The following DGKI variants were observed in gnomAD, a reference collection of about 807,000 sequenced individuals.
DGKI encodes the protein DAG kinase iota.
A neutral mutation model predicts 147.5 loss-of-function variants in DGKI; 55 were observed. The observed-to-expected ratio is 0.37, with a 90% confidence interval of 0.30 to 0.47. The LOEUF (loss-of-function observed/expected upper bound fraction) is 0.47. DGKI is among the 20% of genes least tolerant of loss of function. The pLI, the probability that DGKI is intolerant of heterozygous loss-of-function variation, is 1.00. For missense variants in DGKI, 1,007 were observed against 1,323.8 expected (o/e 0.76, Z 3.71); for synonymous variants, 469 against 477.1 (o/e 0.98, Z 0.22).
intron 20 of DGKI, among the ~76,000 whole-genome samples, chr7:137,530,327 T>C (rs1219546266): frequency 6.6e-6 from 1 of 152,100 alleles, no homozygotes; most frequent in Non-Finnish European, 1.5e-5. Context: ...AGCTCCTTCT[T>C]TCTCTCTGCT....
chr7:137,523,191 C>T (rs1817023884), intron 20 of DGKI, among the ~76,000 whole-genome samples: 1 of 151,860 alleles, frequency 6.6e-6, no homozygotes, highest in Non-Finnish European at 1.5e-5. Context: ...TAGGACACCC[C>T]TCTCTACCTT....
chr7:137,519,587 A>G (rs954116231), intron 21 of DGKI, among the ~76,000 whole-genome samples: 2 of 152,022 alleles, frequency 1.3e-5, no homozygotes, highest in African/African-American at 4.8e-5. Flanking sequence ...ATTTCACTTA[A>G]TTAATGCTTC....
At chr7:137,648,664 C>A (rs1821917063) in intron 5 of DGKI, among the ~76,000 whole-genome samples, 1 of 152,178 alleles carries the variant, frequency 6.6e-6, no homozygotes, top group Non-Finnish European at 1.5e-5. Flanking sequence ...CTCAGAACAG[C>A]ATGCAATTTA....
intron 19 of DGKI, among the ~76,000 whole-genome samples, chr7:137,559,770 T>C (rs1818355198): frequency 6.6e-6 from 1 of 152,130 alleles, no homozygotes; most frequent in Admixed American, 6.5e-5. Context: ...TAGTGAGATT[T>C]AGACTCGTAT....
intron 20 of DGKI, among the ~76,000 whole-genome samples, chr7:137,542,736 G>C (rs1817743963): frequency 6.6e-6 from 1 of 152,090 alleles, no homozygotes; most frequent in African/African-American, 2.4e-5. Context: ...CACCAGAAAA[G>C]TCCGTTTTAC....
At chr7:137,516,427 G>A (rs1419283939) in intron 21 of DGKI, among the ~76,000 whole-genome samples, 1 of 151,948 alleles carries the variant, frequency 6.6e-6, no homozygotes, top group Non-Finnish European at 1.5e-5. Flanking sequence ...CTTAATTAGT[G>A]GTTAGACTGG....
At chr7:137,559,946 A>G (rs1216487655) in intron 19 of DGKI, among the ~76,000 whole-genome samples, 6 of 152,232 alleles carry the variant, frequency 3.9e-5, no homozygotes, top group African/African-American at 1.4e-4. Flanking sequence ...AACAAAAGAA[A>G]TATACCCTAT....
At chr7:137,491,435 T>C (rs747417162) in intron 21 of DGKI, among the ~76,000 whole-genome samples, 19 of 152,268 alleles carry the variant, frequency 1.2e-4, no homozygotes, top group Non-Finnish European at 2.6e-4. Context: ...TGAGGAAATA[T>C]ATTAACATGA....
intron 1 of DGKI, among the ~76,000 whole-genome samples, chr7:137,748,902 G>C (rs1413850718): frequency 6.6e-6 from 1 of 152,070 alleles, no homozygotes; most frequent in Admixed American, 6.5e-5. Flanking sequence ...CAAGTTACTG[G>C]TTTCTTTCAA....
chr7:137,513,751 T>C (rs1055239829), intron 21 of DGKI: 6 of 492,302 alleles, frequency 1.2e-5, no homozygotes, highest in African/African-American at 9.8e-5. Context: ...TGTAACACAA[T>C]GGCATTTGGG....
intron 2 of DGKI, among the ~76,000 whole-genome samples, chr7:137,682,455 A>T (rs561499679): frequency 1.4e-4 from 22 of 152,322 alleles, no homozygotes; most frequent in Admixed American, 1.4e-3. Context: ...GACTACAATG[A>T]TGTTTAAACA....
intron 21 of DGKI, among the ~76,000 whole-genome samples, 181 bp downstream of exon 21, chr7:137,521,685 G>T (rs569083920): frequency 4.1e-4 from 63 of 152,194 alleles, no homozygotes; most frequent in Non-Finnish European, 6.9e-4. Context: ...TCCTTTTCCA[G>T]TTCCTTTTTC....
rs1811072886 is a variant in DGKI, at chr7:137,382,018, G to C, written c.*9202C>G. ...AATAAAAATTCTTTGATCTCCAGAA[G>C]ATCAGGAGATCAGGAGCCATTTGGT... On this transcript the variant is annotated 3_prime_UTR_variant, in exon 33 of 33. Coordinates refer to ENST00000614521, the MANE Select transcript of DGKI (RefSeq NM_001321708.2). The C allele has an allele frequency of 6.6e-6, 1 of 152,042 alleles. No individual in the cohort carries two copies. Among genetic ancestry groups the C allele is most frequent in the South Asian group, 2.1e-4 (1 of 4,822 alleles). 9.4% of individuals were successfully genotyped at this position (152,042 alleles called of 1,614,324 possible). A position where few individuals can be genotyped will look rare whatever the true frequency, so the allele number is the denominator to read the frequency against.
At chr7:137,490,606 A>G (rs1815729314) in intron 21 of DGKI, among the ~76,000 whole-genome samples, 1 of 152,194 alleles carries the variant, frequency 6.6e-6, no homozygotes, top group African/African-American at 2.4e-5. Flanking sequence ...TTGTAATCTG[A>G]CACTTCCATT....
chr7:137,613,322 T>C (rs1208282678), intron 8 of DGKI, among the ~76,000 whole-genome samples: 4 of 152,068 alleles, frequency 2.6e-5, no homozygotes, highest in Admixed American at 2.6e-4. Context: ...TCTGCTGGGC[T>C]CCCATTGTGC....
chr7:137,542,969 T>C (rs953446535), intron 20 of DGKI, among the ~76,000 whole-genome samples: 2 of 152,136 alleles, frequency 1.3e-5, no homozygotes, highest in Non-Finnish European at 2.9e-5. Flanking sequence ...ATAATGTTTG[T>C]TTAAAGATGA....
intron 1 of DGKI, among the ~76,000 whole-genome samples, chr7:137,822,355 C>T (rs1390287868): frequency 1.3e-5 from 2 of 151,924 alleles, no homozygotes; most frequent in East Asian, 1.9e-4. Flanking sequence ...TGCAGTGAGC[C>T]GAGATCACTC....
chr7:137,707,604 A>G (rs988787854), intron 1 of DGKI, among the ~76,000 whole-genome samples: 2 of 152,124 alleles, frequency 1.3e-5, no homozygotes, highest in African/African-American at 2.4e-5. Context: ...TTAAAAGTGC[A>G]TAGCACCTCT....
intron 28 of DGKI, among the ~76,000 whole-genome samples, chr7:137,414,959 T>C (rs1361886075): frequency 6.6e-6 from 1 of 152,230 alleles, no homozygotes; most frequent in Non-Finnish European, 1.5e-5. Context: ...AGGTATGTTA[T>C]ATAAACAGAA....
Sources: allele counts gnomAD v4.1 joint callset (sites outside exome capture counted in the v4.1 genomes callset), GRCh38; gene constraint gnomAD v4.1.1; transcripts MANE v1.5; gene names NCBI Gene and HGNC (gene_info 2026-07-23, HGNC 2026-07-21).